The following TTC23L variants were observed in gnomAD, a reference collection of about 807,000 sequenced individuals.
TTC23L encodes tetratricopeptide repeat protein 23-like.
Under a neutral mutation model 48.1 loss-of-function variants are expected in TTC23L, and 42 were observed. The observed-to-expected ratio is 0.87, with a 90% CI of 0.68 to 1.13. The LOEUF (loss-of-function observed/expected upper bound fraction) is 1.13. Among genes scored for constraint, TTC23L ranks in the 50% most tolerant of loss-of-function variants. TTC23L has a pLI of 0.00. For synonymous variants in TTC23L, 159 were observed against 157.2 expected, an observed-to-expected ratio of 1.01 and a Z score of -0.09; for missense variants, 391 against 421.0, an observed-to-expected ratio of 0.93 and a Z score of 0.62.
exon 2 of TTC23L, chr5:34,840,672 A>T: frequency 1.9e-6 from 3 of 1,613,956 alleles, no homozygotes; most frequent in Non-Finnish European, 2.5e-6. Context: ...TAGGAAGAAG[A>T]TGCAAGCCAG....
chr5:34,844,137 G>C (rs1758915903), intron 2 of TTC23L, among the ~76,000 whole-genome samples: 2 of 152,156 alleles, frequency 1.3e-5, no homozygotes, highest in Admixed American at 6.5e-5. Context: ...GCAGAGAAAA[G>C]GAAGTTCATC....
rs577822370 is a variant in TTC23L, at chr5:34,892,672, C to T, written c.1078-4098C>T. 3.9e-5 allele frequency among the ~76,000 whole-genome samples: 6 copies of T among 152,234 alleles called. No individual in the cohort carries two copies. The East Asian group carries it at 1.2e-3, about 29-fold the overall frequency. On this transcript the variant is annotated intron_variant, in intron 9 of 10. Transcript: ENST00000505624. ...TCTGCGTAGGTTGGGGGATGGGTTG[C>T]AGGTTCTTCGAAGAAAAGTAGCCAT...
At chr5:34,904,169 A>G (rs1763576852), downstream of TTC23L, among the ~76,000 whole-genome samples, 1 of 151,582 alleles carries the variant, frequency 6.6e-6, no homozygotes. Context: ...GAGTCTTGCT[A>G]TGTTGGCCAG....
the TTC23L span, chr5:34,908,548 A>C: frequency 2.3e-6 from 1 of 441,498 alleles, no homozygotes; most frequent in Middle Eastern, 6.1e-4. Context: ...ACAGTCCTGA[A>C]TAATCTATGA....
At chr5:34,898,731 C>A (rs969242919) in intron 10 of TTC23L, among the ~76,000 whole-genome samples, 2 of 152,048 alleles carry the variant, frequency 1.3e-5, no homozygotes, top group Non-Finnish European at 2.9e-5. Context: ...GCATAGAAAC[C>A]CCAAGTTCAT....
In TTC23L at chr5:34,875,396, A is replaced by G. The variant is rs138382795; in HGVS notation, c.950-4785A>G. Among the ~76,000 whole-genome samples, 696 of 152,270 alleles carry G rather than the reference A, an allele frequency of 4.6e-3. 7 individuals are homozygous for G. Among genetic ancestry groups the G allele is most frequent in the African/African-American group, 0.016 (675 of 41,562 alleles). On this transcript the variant is annotated intron_variant, in intron 8 of 10. Transcript: ENST00000505624. ...AAAGTCCCGCAATAGGCCATCTTCA[A>G]GCTGAGGAGCAAGGAAGCCAGTCCA... is the stretch of plus-strand genomic sequence containing the variant.
chr5:34,856,276 T>C (rs1760126820), intron 4 of TTC23L, among the ~76,000 whole-genome samples: 1 of 152,240 alleles, frequency 6.6e-6, no homozygotes, highest in Non-Finnish European at 1.5e-5. Context: ...TTTTGAATGC[T>C]GATGTGACGC....
At chr5:34,871,586 T>A in intron 8 of TTC23L, among the ~76,000 whole-genome samples, 1 of 152,154 alleles carries the variant, frequency 6.6e-6, no homozygotes, top group East Asian at 1.9e-4. Flanking sequence ...GAAATTAGGA[T>A]AGCTAAAATG....
intron 4 of TTC23L, among the ~76,000 whole-genome samples, chr5:34,860,314 C>T (rs1303083733): frequency 6.6e-6 from 1 of 152,180 alleles, no homozygotes; most frequent in Non-Finnish European, 1.5e-5. Flanking sequence ...GAAATCCCTC[C>T]TTGTATCAGT....
the TTC23L span, chr5:34,906,699 A>G: frequency 6.6e-6 from 1 of 152,220 alleles, no homozygotes; most frequent in African/African-American, 2.4e-5. Flanking sequence ...ATCAGAATTA[A>G]GTAGTGACTA....
intron 9 of TTC23L, among the ~76,000 whole-genome samples, chr5:34,882,019 G>A (rs1396651792): frequency 6.6e-6 from 1 of 152,142 alleles, no homozygotes; most frequent in Non-Finnish European, 1.5e-5. Flanking sequence ...CTCCCAAAGT[G>A]CTAAGATTAG....
intron 8 of TTC23L, among the ~76,000 whole-genome samples, chr5:34,871,788 C>T (rs1761487551): frequency 6.6e-6 from 1 of 151,900 alleles, no homozygotes; most frequent in Non-Finnish European, 1.5e-5. Context: ...AGAAATAGAC[C>T]TGTATAATTA....
chr5:34,867,012 T>C (rs986350932), exon 7 of TTC23L: 1 of 1,612,194 alleles, frequency 6.2e-7, no homozygotes, highest in Non-Finnish European at 8.5e-7. Context: ...ACGAGGAAGC[T>C]GCTCAGATAG....
rs336486 is a variant in TTC23L at position 34,845,368 on chromosome 5, C to A, written c.69-119C>A. On this transcript the variant is annotated intron_variant, in intron 2 of 10. Coordinates refer to ENST00000505624, the Ensembl canonical transcript of TTC23L. The stretch of plus-strand genomic sequence containing the variant: ...GTTTACTGCCTAGCTTTATTCCTTC[C>A]GGTTTATGTTAGAAATCATGTCCCT... The A allele has an allele frequency of 0.86, 869,902 of 1,015,406 alleles. 374,795 individuals carry two copies. The highest frequency in any genetic ancestry group is 0.95 in the African/African-American group (59,338 of 62,250). 62.9% of individuals were successfully genotyped at this position (1,015,406 alleles called of 1,614,324 possible). A position where few individuals can be genotyped will look rare whatever the true frequency, so the allele number is the denominator to read the frequency against.
the TTC23L span, chr5:34,915,753 G>T: frequency 6.2e-7 from 1 of 1,603,776 alleles, no homozygotes; most frequent in Non-Finnish European, 8.5e-7. Context: ...CGGCAACCAA[G>T]AGGAAACGGC....
At chr5:34,868,238 G>A (rs1404880150) in intron 7 of TTC23L, 2 of 152,186 alleles carry the variant, frequency 1.3e-5, no homozygotes, top group Non-Finnish European at 2.9e-5. Context: ...TAACAACTCT[G>A]CTCTGTGTCT....
intron 4 of TTC23L, among the ~76,000 whole-genome samples, chr5:34,858,342 G>A (rs1760296348): frequency 1.3e-5 from 2 of 152,164 alleles, no homozygotes; most frequent in Admixed American, 6.5e-5. Context: ...CTTAGTAAAT[G>A]TAAATTCATT....
chr5:34,872,919 C>T (rs1339046873), intron 8 of TTC23L, among the ~76,000 whole-genome samples: 3 of 151,918 alleles, frequency 2.0e-5, no homozygotes, highest in East Asian at 1.9e-4. Flanking sequence ...AAAAATTAGC[C>T]GGGCTTGGTG....
chr5:34,856,326 T>A (rs954476807), intron 4 of TTC23L, among the ~76,000 whole-genome samples: 2 of 152,222 alleles, frequency 1.3e-5, no homozygotes, highest in Non-Finnish European at 2.9e-5. Flanking sequence ...GATTTCAGAT[T>A]TTCAGATTTC....
Sources: allele counts gnomAD v4.1 joint callset (sites outside exome capture counted in the v4.1 genomes callset), GRCh38; gene constraint gnomAD v4.1.1; transcripts MANE v1.5; gene names NCBI Gene and HGNC (gene_info 2026-07-23, HGNC 2026-07-21).